The following IL1RAPL1 variants were observed in gnomAD, a reference collection of about 807,000 sequenced individuals.
IL1RAPL1 encodes the protein interleukin 1 receptor accessory protein like 1.
Under a neutral mutation model 48.4 loss-of-function variants are expected in IL1RAPL1, and 3 were observed. The ratio of observed to expected loss-of-function variants is 0.06; its 90% CI spans 0.03 to 0.16. The LOEUF (loss-of-function observed/expected upper bound fraction) is 0.16, where lower values mean the gene tolerates loss of function less well. IL1RAPL1 is among the 10% of genes least tolerant of loss of function. The pLI, the probability that IL1RAPL1 is intolerant of heterozygous loss-of-function variation, is 1.00. For missense variants in IL1RAPL1, 349 were observed against 530.6 expected (o/e 0.66, Z 3.36); for synonymous variants, 185 against 187.7 (o/e 0.99, Z 0.12).
chrX:29,271,225 T>A (rs1301113408), intron 2 of IL1RAPL1, among the ~76,000 whole-genome samples: 8 of 112,085 alleles, frequency 7.1e-5, no homozygotes, highest in Non-Finnish European at 1.5e-4. Flanking sequence ...TAGTATTCCA[T>A]GATGTATATG....
chrX:29,649,820 T>G (rs1277648507), intron 5 of IL1RAPL1, among the ~76,000 whole-genome samples: 13 of 111,213 alleles, frequency 1.2e-4, no homozygotes, highest in Non-Finnish European at 2.5e-4. Flanking sequence ...TACTAAACTT[T>G]TCATGTTTGC....
intron 2 of IL1RAPL1, among the ~76,000 whole-genome samples, chrX:28,857,564 T>C (rs1171014847): frequency 1.8e-5 from 2 of 111,433 alleles, no homozygotes; most frequent in South Asian, 7.6e-4. Context: ...TTATGCTAAA[T>C]CTATTCTGCT....
intron 3 of IL1RAPL1, among the ~76,000 whole-genome samples, chrX:29,365,262 C>A (rs894540422): frequency 9.0e-6 from 1 of 111,647 alleles, no homozygotes; most frequent in Non-Finnish European, 1.9e-5. Context: ...TAGCACCAAT[C>A]GTTACAAATG....
intron 2 of IL1RAPL1, among the ~76,000 whole-genome samples, chrX:28,831,909 A>G (rs996159263): frequency 2.7e-5 from 3 of 111,129 alleles, no homozygotes; most frequent in African/African-American, 9.8e-5. Flanking sequence ...TAATGGTTTC[A>G]GTTTTTTAAA....
At chrX:29,039,473 A>T (rs1926796748) in intron 2 of IL1RAPL1, among the ~76,000 whole-genome samples, 1 of 111,523 alleles carries the variant, frequency 9.0e-6, no homozygotes, top group African/African-American at 3.3e-5. Flanking sequence ...GTAAAAACGG[A>T]ATTCAGGATA....
At chrX:29,035,690 A>G (rs962984136) in intron 2 of IL1RAPL1, among the ~76,000 whole-genome samples, 2 of 111,481 alleles carry the variant, frequency 1.8e-5, no homozygotes, top group African/African-American at 6.5e-5. Flanking sequence ...ACTAGAGAAA[A>G]TGTTACATGA....
In IL1RAPL1 at chrX:28,645,347, CAAAAAAA is replaced by C. The variant is rs35814453; in HGVS notation, c.-25+57320_-25+57326del. Among the ~76,000 whole-genome samples, 28 of 29,061 alleles carry C rather than the reference CAAAAAAA, an allele frequency of 9.6e-4. No homozygotes were observed. In the East Asian group the frequency reaches 0.01, roughly 11 times the overall value. 25.2% of individuals were successfully genotyped at this position (29,061 alleles called of 115,157 possible). A position where few individuals can be genotyped will look rare whatever the true frequency, so the allele number is the denominator to read the frequency against. Reference sequence around the variant, plus strand: ...GGGCAACAAGAGTGAAATTCCGCCTCAAAAAAAAAAAAAAAAAAAAAAAAAAGGAAAA... The same window carrying C: ...GGGCAACAAGAGTGAAATTCCGCCTCAAAAAAAAAAAAAAAAAAAGGAAAA... On this transcript the variant is annotated intron_variant, in intron 1 of 10. Coordinates refer to ENST00000378993, the MANE Select transcript of IL1RAPL1 (RefSeq NM_014271.4).
chrX:28,615,214 T>TGG (rs780699569), intron 1 of IL1RAPL1, among the ~76,000 whole-genome samples: 3 of 58,963 alleles, frequency 5.1e-5, no homozygotes, highest in Non-Finnish European at 1.1e-4. Flanking sequence ...TTTTTTTTTT[T>TGG]TTTTTTTTTT....
chrX:29,134,330 C>A (rs932108904), intron 2 of IL1RAPL1, among the ~76,000 whole-genome samples: 6 of 111,686 alleles, frequency 5.4e-5, no homozygotes, highest in Non-Finnish European at 1.1e-4. Context: ...AATAAGGGTC[C>A]CTGTTGGTCT....
intron 5 of IL1RAPL1, among the ~76,000 whole-genome samples, chrX:29,613,614 T>C (rs1240955041): frequency 9.0e-6 from 1 of 110,572 alleles, no homozygotes; most frequent in African/African-American, 3.3e-5. Flanking sequence ...AACAGTTTGC[T>C]ATAAATGATA....
intron 2 of IL1RAPL1, among the ~76,000 whole-genome samples, chrX:29,188,968 A>G (rs1039224474): frequency 2.1e-4 from 23 of 111,694 alleles, no homozygotes; most frequent in Non-Finnish European, 3.8e-5. Flanking sequence ...AAATGTTTTT[A>G]CTGTAATGAG....
chrX:29,356,587 A>G (rs1435290398), intron 3 of IL1RAPL1, among the ~76,000 whole-genome samples: 1 of 110,690 alleles, frequency 9.0e-6, no homozygotes, highest in East Asian at 2.8e-4. Flanking sequence ...ACACACACGC[A>G]CACACTCACA....
chrX:29,662,181 G>C (rs1480303555), intron 5 of IL1RAPL1, among the ~76,000 whole-genome samples: 1 of 111,399 alleles, frequency 9.0e-6, no homozygotes, highest in Non-Finnish European at 1.9e-5. Flanking sequence ...CATCATTATA[G>C]ATACAGTGGC....
intron 2 of IL1RAPL1, among the ~76,000 whole-genome samples, chrX:28,837,232 T>C (rs1327269352): frequency 9.0e-6 from 1 of 110,736 alleles, no homozygotes; most frequent in Non-Finnish European, 1.9e-5. Context: ...AACTCATTTA[T>C]TTATGAGAAT....
chrX:29,826,166 T>C (rs1414265026), intron 6 of IL1RAPL1, among the ~76,000 whole-genome samples: 1 of 111,719 alleles, frequency 9.0e-6, no homozygotes, highest in Admixed American at 9.6e-5. Context: ...GTTATATCTA[T>C]GCCTGACTGA....
rs16997964 is a variant in IL1RAPL1, at chrX:28,909,379, C to T, written c.82+119954C>T. Among the ~76,000 whole-genome samples, 515 of 111,287 alleles carry T rather than the reference C, an allele frequency of 4.6e-3. 4 individuals are homozygous for T. Among genetic ancestry groups the T allele is most frequent in the African/African-American group, 0.015 (472 of 30,804 alleles). ...TGTGAACTTCTAGTTTTCTTTTTTT[C>T]GAAAGCCTTGACCATGCAGAAACAT... On this transcript the variant is annotated intron_variant, in intron 2 of 10. Coordinates refer to ENST00000378993, the MANE Select transcript of IL1RAPL1 (RefSeq NM_014271.4).
chrX:29,396,406 C>A lies in IL1RAPL1; in HGVS notation c.511C>A (p.Leu171Ile). Residue 171 changes from leucine to isoleucine, a missense_variant, in exon 4 of 11, where the codon CTA (leucine) becomes ATA (isoleucine). Physicochemically the swap from Leu to Ile is conservative, Grantham distance 5. This residue lies in a region of IL1RAPL1 where 238 missense variants were observed against 337.8 expected (regional missense o/e 0.70). Coordinates refer to ENST00000378993, the MANE Select transcript of IL1RAPL1 (RefSeq NM_014271.4). Reference protein sequence around the residue: ...EISCRDIEDFLLPTREPEILW... With the variant: ...EISCRDIEDFILPTREPEILW... ...TTCATGCCGTGACATAGAGGATTTT[C>A]TACTGCCAACCAGAGAACCTGAAAT... 1 of 1,211,601 alleles carries A rather than the reference C, an allele frequency of 8.3e-7. No homozygotes were observed.
Position 28,991,693 on chromosome X carries a change from A to G in IL1RAPL1, c.82+202268A>G, listed in dbSNP as rs776774472. 2.7e-5 allele frequency among the ~76,000 whole-genome samples: 3 copies of G among 112,366 alleles called. No individual in the cohort carries two copies. The South Asian group carries it at 1.1e-3, about 41-fold the overall frequency. ...AATATATTTGGATAGCATAAAACTTAGGAACAAATTATTGTTAATGAGAGT... is the reference window on the plus strand; with the variant it reads ...AATATATTTGGATAGCATAAAACTTGGGAACAAATTATTGTTAATGAGAGT... On this transcript the variant is annotated intron_variant, in intron 2 of 10. Coordinates refer to ENST00000378993, the MANE Select transcript of IL1RAPL1 (RefSeq NM_014271.4).
intron 5 of IL1RAPL1, among the ~76,000 whole-genome samples, chrX:29,604,659 AAG>A (rs1291109320): frequency 9.0e-6 from 1 of 111,463 alleles, no homozygotes; most frequent in African/African-American, 3.3e-5. Context: ...GCATATTAGT[AAG>A]AGTTTCTGAT....
Sources: gnomAD v4.1 joint callset for allele counts (sites outside exome capture counted in the v4.1 genomes callset) on GRCh38, gnomAD v4.1.1 for gene constraint, gnomAD v4.1.1 regional missense constraint, MANE v1.5 for transcripts, NCBI Gene and HGNC (gene_info 2026-07-23, HGNC 2026-07-21) for gene names.